PLA2G5: variants seen among roughly 807,000 people sequenced by gnomAD.
PLA2G5 encodes the protein Ca2+-dependent phospholipase A2.
In PLA2G5, 12 loss-of-function variants were observed where a neutral mutation model predicts 15.9. The observed-to-expected ratio is 0.76, with a 90% CI of 0.48 to 1.23. The LOEUF is 1.23. Among genes scored for constraint, PLA2G5 ranks in the 50% most tolerant of loss-of-function variants. The pLI is 0.00. For synonymous variants in PLA2G5, 71 were observed against 71.4 expected, an observed-to-expected ratio of 0.99 and a Z score of 0.03; for missense variants, 169 against 177.1, an observed-to-expected ratio of 0.95 and a Z score of 0.26.
chr1:20,029,784 A>C (rs2012814595), intron 1 of PLA2G5, among the ~76,000 whole-genome samples: 1 of 152,210 alleles, frequency 6.6e-6, no homozygotes, highest in Non-Finnish European at 1.5e-5. Context: ...GAGATTAGGA[A>C]AGGAACCTGA....
Position 20,089,790 on chromosome 1 carries a change from T to C in PLA2G5, c.187T>C (p.Cys63Arg), listed in dbSNP as rs773910108. The C allele has an allele frequency of 1.2e-6, 2 of 1,613,496 alleles. No individual in the cohort carries two copies. Among genetic ancestry groups the C allele is most frequent in the Non-Finnish European group, 1.7e-6 (2 of 1,179,464 alleles). The part of the protein sequence containing the change: ...RGTPKDGTDW[C>R]CWAHDHCYGR... Reference sequence around the variant, plus strand: ...GATCTAAGTCTCTTGCACGGACAGGTGCTGTTGGGCGCATGACCACTGCTA... The same window carrying C: ...GATCTAAGTCTCTTGCACGGACAGGCGCTGTTGGGCGCATGACCACTGCTA... The change falls in exon 4 of 5, where the codon TGC becomes CGC. Residue 63 changes from cysteine to arginine, a missense_variant and splice_region_variant. Transcript: ENST00000375108.
intron 2 of PLA2G5, among the ~76,000 whole-genome samples, chr1:20,062,074 C>G (rs1325445265): frequency 6.6e-6 from 1 of 152,236 alleles, no homozygotes; most frequent in African/African-American, 2.4e-5. Context: ...CCTGCTCCCT[C>G]TCCACCTTCC....
chr1:20,041,257 G>T (rs1178047159), intron 1 of PLA2G5, among the ~76,000 whole-genome samples: 1 of 152,162 alleles, frequency 6.6e-6, no homozygotes, highest in African/African-American at 2.4e-5. Flanking sequence ...AATTTGCTGA[G>T]GTCTGGGAGC....
At chr1:20,030,597 A>C (rs2012867996) in intron 1 of PLA2G5, among the ~76,000 whole-genome samples, 1 of 151,634 alleles carries the variant, frequency 6.6e-6, no homozygotes, top group Non-Finnish European at 1.5e-5. Context: ...CAGGCCCTTT[A>C]TGGGTGCCGG....
chr1:20,067,657 C>T (rs1430219463), upstream of PLA2G5, among the ~76,000 whole-genome samples: 1 of 151,542 alleles, frequency 6.6e-6, no homozygotes, highest in Non-Finnish European at 1.5e-5. Flanking sequence ...TGCTGCACTC[C>T]AGCCTGGGCG....
At position 20,091,092 on chromosome 1, in the gene PLA2G5, C is replaced by G. The variant is rs188196561; in HGVS notation, c.*400C>G. ...ACCACCACCCTCCAGAGAATTTTTA[C>G]GCAAGAAGAGCCAAATTGACTCTCT... On this transcript the variant is annotated 3_prime_UTR_variant, in exon 5 of 5. Coordinates refer to ENST00000375108, the MANE Select transcript of PLA2G5 (RefSeq NM_000929.3). 1 of 164,776 alleles carries G rather than the reference C, an allele frequency of 6.1e-6. No homozygotes were observed. Among genetic ancestry groups the G allele is most frequent in the African/African-American group, 2.4e-5 (1 of 41,828 alleles). The allele number at this position is 164,776 out of a possible 1,614,324, so 10.2% of individuals were successfully genotyped here.
chr1:20,083,885 C>T (rs2016158230), intron 1 of PLA2G5, among the ~76,000 whole-genome samples: 1 of 151,786 alleles, frequency 6.6e-6, no homozygotes, highest in Admixed American at 6.5e-5. Context: ...TACCCTGCAG[C>T]ACTCTCGTGA....
intron 1 of PLA2G5, among the ~76,000 whole-genome samples, chr1:20,045,738 T>C (rs2013868181): frequency 6.6e-6 from 1 of 152,192 alleles, no homozygotes; most frequent in African/African-American, 2.4e-5. Flanking sequence ...GGACAGGGGA[T>C]TGATCTCCCA....
chr1:20,066,199 A>T (rs1055909085), upstream of PLA2G5: 4 of 152,194 alleles, frequency 2.6e-5, no homozygotes, highest in African/African-American at 9.6e-5. Context: ...CATATGCTTA[A>T]CTGTCATCTG....
chr1:20,059,504 C>T (rs1390228884), intron 1 of PLA2G5: 1 of 152,042 alleles, frequency 6.6e-6, no homozygotes, highest in Non-Finnish European at 1.5e-5. Flanking sequence ...AAAGGAGGAC[C>T]ACTTAGTTGG....
Position 20,089,770 on chromosome 1 carries a change from A to C in PLA2G5, c.186-19A>C, listed in dbSNP as rs1441169003. The stretch of plus-strand genomic sequence containing the variant: ...AGGGCACCCCTCCCACTCGGGATCT[A>C]AGTCTCTTGCACGGACAGGTGCTGT... On this transcript the variant is annotated intron_variant, in intron 3 of 4. Coordinates refer to ENST00000375108, the MANE Select transcript of PLA2G5 (RefSeq NM_000929.3). 6.2e-6 allele frequency: 10 copies of C among 1,605,868 alleles called. No homozygotes were observed. The highest frequency in any genetic ancestry group is 8.5e-6 in the Non-Finnish European group (10 of 1,172,714).
rs184299409 is a variant in PLA2G5, at chr1:20,039,874, G to T, written n.276+11165G>T. On this transcript the variant is annotated intron_variant and non_coding_transcript_variant, in intron 1 of 6. Coordinates refer to the PLA2G5 transcript ENST00000460175. ...TTAAACTTAGGTTTATAATGTAACCGTCTGTAATATATCTCTCATTTGACC... is the reference window on the plus strand; with the variant it reads ...TTAAACTTAGGTTTATAATGTAACCTTCTGTAATATATCTCTCATTTGACC... 2.0e-5 allele frequency among the ~76,000 whole-genome samples: 3 copies of T among 152,216 alleles called. No individual in the cohort carries two copies. In the South Asian group the frequency reaches 6.2e-4, roughly 32 times the overall value.
intron 1 of PLA2G5, among the ~76,000 whole-genome samples, chr1:20,071,579 C>T (rs2015379164): frequency 6.6e-6 from 1 of 152,124 alleles, no homozygotes; most frequent in Non-Finnish European, 1.5e-5. Flanking sequence ...GAGCTCAGGG[C>T]AGGGGGTTGA....
chr1:20,042,562 C>A (rs1199687742), intron 1 of PLA2G5, among the ~76,000 whole-genome samples: 1 of 151,962 alleles, frequency 6.6e-6, no homozygotes. Flanking sequence ...AGGGTGGGAG[C>A]AGATTTTAGG....
At chr1:20,051,296 A>C (rs2014167008) in intron 1 of PLA2G5, among the ~76,000 whole-genome samples, 1 of 152,218 alleles carries the variant, frequency 6.6e-6, no homozygotes, top group African/African-American at 2.4e-5. Context: ...ATAACTTTGG[A>C]TATTGTGACA....
intron 1 of PLA2G5, among the ~76,000 whole-genome samples, chr1:20,080,592 A>AGCCTG (rs2015954393): frequency 6.6e-6 from 1 of 152,008 alleles, no homozygotes; most frequent in African/African-American, 2.4e-5. Flanking sequence ...AAAAACAACC[A>AGCCTG]AAATAAACAA....
rs11573297 is a variant in PLA2G5 at position 20,091,681 on chromosome 1, T to TA, written c.*996dup. Among the ~76,000 whole-genome samples the TA allele has an allele frequency of 3.2e-3, 492 of 152,146 alleles. 19 individuals carry two copies. In the East Asian group the frequency reaches 0.079, roughly 25 times the overall value. On this transcript the variant is annotated 3_prime_UTR_variant, in exon 5 of 5. Transcript: ENST00000375108. ...TTTATTTTTTACAAAGTAAGGACAT[T>TA]AAAAAAACCAACCCGTCTATCAATT...
chr1:20,049,206 T>G lies in PLA2G5; in HGVS notation n.277-10426T>G, dbSNP rs186255886. ...CTGGTTATTTAAGAAAGAGGGATGT[T>G]CAGGACAAACCAGAAAGTCCAGGCA... On this transcript the variant is annotated intron_variant and non_coding_transcript_variant, in intron 1 of 6. Transcript: ENST00000460175. Among the ~76,000 whole-genome samples the G allele has an allele frequency of 3.7e-3, 559 of 152,244 alleles. 4 individuals carry two copies. The highest frequency in any genetic ancestry group is 5.8e-3 in the Non-Finnish European group (397 of 68,002).
chr1:20,061,525 G>T (rs2100470505), intron 2 of PLA2G5, among the ~76,000 whole-genome samples: 2 of 147,956 alleles, frequency 1.4e-5, no homozygotes, highest in South Asian at 2.1e-4. Context: ...GGTTGAAGCT[G>T]CAGTGAGCCG....
Sources: allele counts gnomAD v4.1 joint callset (sites outside exome capture counted in the v4.1 genomes callset), GRCh38; gene constraint gnomAD v4.1.1; transcripts MANE v1.5; gene names NCBI Gene and HGNC (gene_info 2026-07-23, HGNC 2026-07-21).